PIH1D2: variants seen among roughly 807,000 people sequenced by gnomAD.
The protein encoded by PIH1D2 is PIH1 domain containing 2.
In PIH1D2, 25 loss-of-function variants were observed where a neutral mutation model predicts 31.2. The observed-to-expected ratio is 0.80, with a 90% CI of 0.58 to 1.12. The LOEUF (loss-of-function observed/expected upper bound fraction) is 1.12, where lower values mean the gene tolerates loss of function less well. Among genes scored for constraint, PIH1D2 ranks in the 50% most tolerant of loss-of-function variants. The pLI is 0.00. For missense variants in PIH1D2, 310 were observed against 356.6 expected (o/e 0.87, Z 1.05); for synonymous variants, 116 against 119.9 (o/e 0.97, Z 0.21).
downstream of PIH1D2, chr11:112,063,043 G>T (rs1163207588): frequency 6.4e-6 from 1 of 156,830 alleles, no homozygotes; most frequent in Admixed American, 6.1e-5. Flanking sequence ...CATGATCTTG[G>T]TTTATCATCG....
chr11:112,057,959 C>T, the PIH1D2 span, among the ~76,000 whole-genome samples: 10 of 152,174 alleles, frequency 6.6e-5, no homozygotes, highest in Admixed American at 6.5e-4. Flanking sequence ...TAGTAGACAA[C>T]AGTGTAGTGT....
At chr11:112,053,961 T>A in the PIH1D2 span, among the ~76,000 whole-genome samples, 146 of 152,222 alleles carry the variant, frequency 9.6e-4, 3 homozygotes, top group East Asian at 0.027. Flanking sequence ...CCTTCCTACA[T>A]ACACACACAT....
chr11:112,068,453 A>G (rs1429736652), intron 5 of PIH1D2, among the ~76,000 whole-genome samples: 4 of 152,232 alleles, frequency 2.6e-5, no homozygotes, highest in Non-Finnish European at 5.9e-5. Flanking sequence ...ATTACAAGAA[A>G]GATGAGCTTA....
chr11:112,068,060 T>G, intron 5 of PIH1D2, 55 bp from the exon 6 acceptor site: 1 of 1,243,666 alleles, frequency 8.0e-7, no homozygotes, highest in Non-Finnish European at 1.1e-6. Context: ...GGATACTAAC[T>G]TATTGTTCCC....
downstream of PIH1D2, chr11:112,063,940 G>C (rs1864793128): frequency 7.5e-6 from 3 of 400,638 alleles, no homozygotes; most frequent in South Asian, 2.0e-4. Flanking sequence ...CCTGAAATTT[G>C]CTTTAAGTGT....
chr11:112,067,583 G>A (rs1555183963), downstream of PIH1D2, among the ~76,000 whole-genome samples: 3 of 143,900 alleles, frequency 2.1e-5, no homozygotes, highest in East Asian at 2.1e-4. Flanking sequence ...AATCGCTTGA[G>A]CCCATGAGGC....
chr11:112,057,974 C>T, the PIH1D2 span, among the ~76,000 whole-genome samples: 2 of 152,248 alleles, frequency 1.3e-5, no homozygotes, highest in South Asian at 4.1e-4. Flanking sequence ...TAGTGTTAAG[C>T]ATAACTTTTG....
downstream of PIH1D2, among the ~76,000 whole-genome samples, chr11:112,065,984 C>T (rs894406023): frequency 4.0e-5 from 6 of 150,378 alleles, no homozygotes; most frequent in South Asian, 2.1e-4. Flanking sequence ...GGTGACCGAG[C>T]GAGACTCTGT....
rs1865207421 is a variant in PIH1D2, at chr11:112,073,321, T to C, written c.-31-116A>G. ...TTTGGTGAAGTTAGGACAGCATTTGTGTCTAAAAGGTTGTGGATCAGCACC... is the reference window on the plus strand; with the variant it reads ...TTTGGTGAAGTTAGGACAGCATTTGCGTCTAAAAGGTTGTGGATCAGCACC... On this transcript the variant is annotated intron_variant, in intron 1 of 5. Coordinates refer to ENST00000280350, the MANE Select transcript of PIH1D2 (RefSeq NM_138789.4). The C allele has an allele frequency of 4.6e-6, 3 of 650,292 alleles. No individual in the cohort carries two copies. The Admixed American group carries it at 9.4e-5, about 20-fold the overall frequency. The allele number at this position is 650,292 out of a possible 1,614,324, so 40.3% of individuals were successfully genotyped here.
chr11:112,059,452 G>C (rs974316238), downstream of PIH1D2, among the ~76,000 whole-genome samples: 1 of 151,766 alleles, frequency 6.6e-6, no homozygotes, highest in African/African-American at 2.4e-5. Flanking sequence ...GAGTGCAGTG[G>C]TGTGATCTCA....
chr11:112,067,064 G>A (rs914529364), downstream of PIH1D2, among the ~76,000 whole-genome samples: 2 of 152,020 alleles, frequency 1.3e-5, no homozygotes, highest in Non-Finnish European at 2.9e-5. Flanking sequence ...CTCAGTCTCA[G>A]TGAAGTACAG....
chr11:112,072,509 G>T (rs1279049388), intron 2 of PIH1D2, among the ~76,000 whole-genome samples: 3 of 117,586 alleles, frequency 2.6e-5, no homozygotes, highest in African/African-American at 9.8e-5. Flanking sequence ...TTGTGCCACT[G>T]CACTCCAGCT....
downstream of PIH1D2, among the ~76,000 whole-genome samples, chr11:112,066,699 A>G (rs1555183890): frequency 2.0e-5 from 3 of 152,126 alleles, no homozygotes; most frequent in Non-Finnish European, 4.4e-5. Context: ...ATCTATCGAC[A>G]AGTCTATATA....
chr11:112,070,488 A>C lies in PIH1D2; in HGVS notation c.761T>G (p.Val254Gly). The C allele has an allele frequency of 6.2e-7, 1 of 1,614,108 alleles. No homozygotes were observed. Among genetic ancestry groups the C allele is most frequent in the Non-Finnish European group, 8.5e-7 (1 of 1,179,974 alleles). Reference sequence around the variant, plus strand: ...GACAGAATTAATACCAGGTAATTCAACTTTCAACTCAATTTTCAGAGGTTT... The same window carrying C: ...GACAGAATTAATACCAGGTAATTCACCTTTCAACTCAATTTTCAGAGGTTT... Reference protein sequence around the residue: ...SEKPLKIELKVELPGINSVSL... With the variant: ...SEKPLKIELKGELPGINSVSL... Residue 254 changes from valine to glycine, a missense_variant, in exon 5 of 6, where the codon GTT becomes GGT. By Grantham distance (109) the Val-to-Gly change is moderately radical. Transcript: ENST00000280350.
Position 112,070,744 on chromosome 11 carries a change from A to T in PIH1D2, c.548-43T>A, listed in dbSNP as rs782581566. On this transcript the variant is annotated intron_variant, in intron 4 of 5. Transcript: ENST00000280350. ...TGGAGGGGAGATAAAAAATAAATCTACAACATAAAATACTATGAGCTATAA... is the reference window on the plus strand; with the variant it reads ...TGGAGGGGAGATAAAAAATAAATCTTCAACATAAAATACTATGAGCTATAA... The T allele has an allele frequency of 5.1e-6, 8 of 1,576,294 alleles. No individual in the cohort carries two copies. The Admixed American group carries it at 1.4e-4, about 28-fold the overall frequency.
the PIH1D2 span, among the ~76,000 whole-genome samples, chr11:112,057,965 AG>A: frequency 6.6e-6 from 1 of 152,210 alleles, no homozygotes; most frequent in African/African-American, 2.4e-5. Context: ...ACAACAGTGT[AG>A]TGTTAAGCAT....
At chr11:112,072,412 G>A (rs1555184820) in intron 2 of PIH1D2, among the ~76,000 whole-genome samples, 1 of 151,826 alleles carries the variant, frequency 6.6e-6, no homozygotes, top group Non-Finnish European at 1.5e-5. Flanking sequence ...GCCGGGTGTG[G>A]TGATGCCCAC....
At chr11:112,072,713 A>C (rs1005366323) in intron 2 of PIH1D2, 1 of 205,928 alleles carries the variant, frequency 4.9e-6, no homozygotes, top group African/African-American at 2.3e-5. Flanking sequence ...ATAATACAAA[A>C]ATTAGCCGGG....
At chr11:112,069,792 A>G (rs1296221324) in intron 5 of PIH1D2, 1 of 152,484 alleles carries the variant, frequency 6.6e-6, no homozygotes, top group Non-Finnish European at 1.5e-5. Flanking sequence ...GCTGTGCACC[A>G]GTAACTGCAG....
Sources: allele counts gnomAD v4.1 joint callset (sites outside exome capture counted in the v4.1 genomes callset), GRCh38; gene constraint gnomAD v4.1.1; transcripts MANE v1.5; gene names NCBI Gene and HGNC (gene_info 2026-07-23, HGNC 2026-07-21).